Variants in NOS3 observed in about 807,000 individuals in gnomAD.
The protein encoded by NOS3 is nitric oxide synthase 3.
NOS3 carries 98 observed loss-of-function variants against 144.9 expected under a neutral mutation model. The observed-to-expected ratio is 0.68, with a 90% CI of 0.57 to 0.80. NOS3 has a LOEUF of 0.80. NOS3 is among the 30% of genes least tolerant of loss of function. NOS3 has a pLI of 0.00. For synonymous variants in NOS3, 714 were observed against 702.4 expected (o/e 1.02, Z -0.26); for missense variants, 1,465 against 1,656.4 (o/e 0.88, Z 2.01).
rs937885550 is a variant in NOS3, at chr7:150,998,780, C to T, written c.816+100C>T. On this transcript the variant is annotated intron_variant, in intron 7 of 26. Transcript: ENST00000297494. This position sits in a 1 kb window ranked among gnomAD's most constrained non-coding sequence, Gnocchi z 5.0. ...GATCCAGGCAGGAAGAGGGGAGCCT[C>T]GGTGAGATAAAGGATGAAAAACACC... 24 of 1,489,554 alleles carry T rather than the reference C, an allele frequency of 1.6e-5. 1 individual carries two copies. In the Admixed American group the frequency reaches 3.3e-4, roughly 21 times the overall value. 92.3% of individuals were successfully genotyped at this position (1,489,554 alleles called of 1,614,324 possible). A position where few individuals can be genotyped will look rare whatever the true frequency, so the allele number is the denominator to read the frequency against.
intron 5 of NOS3, among the ~76,000 whole-genome samples, chr7:150,997,408 G>A (rs888362839): frequency 5.9e-5 from 9 of 152,048 alleles, no homozygotes; most frequent in African/African-American, 1.2e-4. Context: ...GGCTTCTCCC[G>A]CCAGGCCAGT....
chr7:151,011,787 G>C (rs1182571280), intron 23 of NOS3: 6 of 427,404 alleles, frequency 1.4e-5, no homozygotes, highest in Non-Finnish European at 2.8e-5. Context: ...GCCTCCCAAA[G>C]TCTTGGGATT....
At chr7:151,000,626 G>A (rs1161085614) in intron 10 of NOS3, 27 bp downstream of exon 10, 2 of 1,517,792 alleles carry the variant, frequency 1.3e-6, no homozygotes, top group Non-Finnish European at 1.8e-6. Context: ...TGGCCAGGAA[G>A]GCAAAGGGTT....
intron 14 of NOS3, among the ~76,000 whole-genome samples, chr7:151,004,373 C>T (rs1399317867): frequency 1.3e-5 from 2 of 152,180 alleles, no homozygotes; most frequent in Non-Finnish European, 2.9e-5. Context: ...AACTGTCAAA[C>T]AGCAAAGCAA....
intron 23 of NOS3, chr7:151,011,770 C>T: frequency 2.5e-6 from 1 of 394,872 alleles, no homozygotes; most frequent in Non-Finnish European, 5.1e-6. Flanking sequence ...ACGATCCTCC[C>T]ACCTCCGCCT....
At position 151,008,953 on chromosome 7, in the gene NOS3, G is replaced by A. The variant is rs1464625237; in HGVS notation, c.2136G>A (p.Val712=). 2.5e-6 allele frequency: 4 copies of A among 1,610,448 alleles called. No individual in the cohort carries two copies. Among genetic ancestry groups the A allele is most frequent in the Non-Finnish European group, 3.4e-6 (4 of 1,179,070 alleles). ...AGGCCGCCTGTGAGACCTTCTGTGT[G>A]GGAGAGGATGCCAAGGCCGCCGCCC... The part of the protein sequence containing the change: ...AFQAACETFC[V]GEDAKAAARD... Residue 712 remains valine, a synonymous_variant, in exon 18 of 27, where the codon GTG becomes GTA. Coordinates refer to ENST00000297494, the MANE Select transcript of NOS3 (RefSeq NM_000603.5).
chr7:150,999,585 G>A (rs1795028570), intron 9 of NOS3, among the ~76,000 whole-genome samples: 1 of 151,628 alleles, frequency 6.6e-6, no homozygotes, highest in Non-Finnish European at 1.5e-5. Flanking sequence ...TGAGAGTGTG[G>A]GTTTCTGGGG....
At position 151,000,633 on chromosome 7, in the gene NOS3, G is replaced by C. The variant is rs533126639; in HGVS notation, c.1233+34G>C. On this transcript the variant is annotated intron_variant, in intron 10 of 26. Transcript: ENST00000297494. The stretch of plus-strand genomic sequence containing the variant: ...GCCCAGACTGGCCAGGAAGGCAAAG[G>C]GTTTGCATACGGGGGCAGCAGGGGC... The C allele has an allele frequency of 3.4e-6, 5 of 1,449,328 alleles. No individual in the cohort carries two copies. The East Asian group carries it at 6.8e-5, about 20-fold the overall frequency. 89.8% of individuals were successfully genotyped at this position (1,449,328 alleles called of 1,614,324 possible).
At chr7:151,012,232 T>G (rs928889723) in intron 23 of NOS3, 119 bp from the exon 24 acceptor site, 7 of 924,446 alleles carry the variant, frequency 7.6e-6, no homozygotes, top group East Asian at 5.5e-5. Flanking sequence ...TTTGTTTTTT[T>G]TTTAATTTTT....
In NOS3 at chr7:151,010,655, T is replaced by C; in HGVS notation, c.2744T>C (p.Leu915Pro). 1 of 1,607,986 alleles carries C rather than the reference T, an allele frequency of 6.2e-7. No individual in the cohort carries two copies. Among genetic ancestry groups the C allele is most frequent in the South Asian group, 1.1e-5 (1 of 89,826 alleles). The change falls in exon 22 of 27, where the codon CTG becomes CCG. Residue 915 changes from leucine (L) to proline (P), a missense_variant. By Grantham distance (98) the Leu-to-Pro change is moderately conservative (BLOSUM62 -3). Around this residue, in one of 5 missense-constraint regions of NOS3, gnomAD observed 745 missense variants for 853.9 expected, o/e 0.87. Coordinates refer to ENST00000297494, the MANE Select transcript of NOS3 (RefSeq NM_000603.5). ...WFRCPTLLEV[L>P]EQFPSVALPA... ...CGCTGCCCCACGCTGCTGGAGGTGC[T>C]GGAGCAGTTCCCGTCGGTGGCGCTG... is the stretch of plus-strand genomic sequence containing the variant.
intron 23 of NOS3, 41 bp downstream of exon 23, chr7:151,011,027 C>T: frequency 6.9e-7 from 1 of 1,445,362 alleles, no homozygotes; most frequent in Non-Finnish European, 9.7e-7. Flanking sequence ...TGCCCAGGGT[C>T]AGGGTGGCAG....
Position 150,999,218 on chromosome 7 carries a change from C to G in NOS3, c.985C>G (p.Arg329Gly), listed in dbSNP as rs745799975. The change falls in exon 9 of 27, where the codon CGC becomes GGC. Residue 329 changes from arginine to glycine, a missense_variant. This residue lies in a region of NOS3 where 745 missense variants were observed against 853.9 expected (regional missense o/e 0.87). Transcript: ENST00000297494. ...GGAGTGGTTTGCAGCCCTGGGCCTG[C>G]GCTGGTACGCCCTCCCGGCAGTGTC... ...TLEWFAALGLRWYALPAVSNM... is the reference protein window; with the variant it reads ...TLEWFAALGLGWYALPAVSNM... The G allele has an allele frequency of 6.2e-7, 1 of 1,610,884 alleles. No individual in the cohort carries two copies. The highest frequency in any genetic ancestry group is 8.5e-7 in the Non-Finnish European group (1 of 1,179,258).
At position 150,993,701 on chromosome 7, in the gene NOS3, G is replaced by T; in HGVS notation, c.-51-52G>T. On this transcript the variant is annotated intron_variant, in intron 1 of 26. Transcript: ENST00000297494. This position sits in a 1 kb window ranked among gnomAD's most constrained non-coding sequence, Gnocchi z 4.0. ...TAGGGGCGGGGCGAGGGCCAGCACT[G>T]GAGAGCCCCCTCCCACTGCCCCCTC... The T allele has an allele frequency of 8.2e-7, 1 of 1,221,676 alleles. No homozygotes were observed. The highest frequency in any genetic ancestry group is 1.1e-6 in the Non-Finnish European group (1 of 882,394). 75.7% of individuals were successfully genotyped at this position (1,221,676 alleles called of 1,614,324 possible).
At position 150,993,617 on chromosome 7, in the gene NOS3, T is replaced by G; in HGVS notation, c.-51-136T>G. 1 of 582,846 alleles carries G rather than the reference T, an allele frequency of 1.7e-6. No homozygotes were observed. Among genetic ancestry groups the G allele is most frequent in the Non-Finnish European group, 2.9e-6 (1 of 341,360 alleles). 36.1% of individuals were successfully genotyped at this position (582,846 alleles called of 1,614,324 possible). On this transcript the variant is annotated intron_variant, in intron 1 of 26. Transcript: ENST00000297494. This position sits in a 1 kb window ranked among gnomAD's most constrained non-coding sequence, Gnocchi z 4.0. Reference sequence around the variant, plus strand: ...CCCCCACCCTTCAGGCCAGCGGGCGTGGAGCTGAGGCTTTAGAGCCTCCCA... The same window carrying G: ...CCCCCACCCTTCAGGCCAGCGGGCGGGGAGCTGAGGCTTTAGAGCCTCCCA...
chr7:151,006,731 C>A (rs1015268396), intron 15 of NOS3, among the ~76,000 whole-genome samples, 158 bp from the exon 16 acceptor site: 1 of 152,334 alleles, frequency 6.6e-6, no homozygotes, highest in Non-Finnish European at 1.5e-5. Context: ...GGGCCCCAGG[C>A]TCGGAACCCC....
chr7:151,012,873 A>C, intron 24 of NOS3: 1 of 346,120 alleles, frequency 2.9e-6, no homozygotes, highest in South Asian at 4.6e-5. Context: ...TCAAAAGAAG[A>C]GGGCTGTGAC....
rs1795214520 is a variant in NOS3 at position 151,006,939 on chromosome 7, C to T, written c.1871C>T (p.Ser624Phe). ...NSISCSDPLV[S>F]SWRRKRKESS... ...ATCTCCTGCTCAGACCCACTGGTGT[C>T]CTCTTGGCGGCGGAAGAGGAAGGAG... The change falls in exon 16 of 27, where the codon TCC becomes TTC. Residue 624 changes from serine (S) to phenylalanine (F), a missense_variant. Physicochemically the swap from Ser to Phe is radical, Grantham distance 155 (BLOSUM62 -2). Coordinates refer to ENST00000297494, the MANE Select transcript of NOS3 (RefSeq NM_000603.5). The T allele has an allele frequency of 6.2e-7, 1 of 1,614,136 alleles. No homozygotes were observed. The highest frequency in any genetic ancestry group is 8.5e-7 in the Non-Finnish European group (1 of 1,180,024).
In NOS3 at chr7:151,006,604, C is replaced by T. The variant is rs3729625; in HGVS notation, c.1820+110C>T. 5.1e-3 allele frequency: 4,862 copies of T among 958,320 alleles called. 166 individuals are homozygous for T. The East Asian group carries it at 0.08, about 16-fold the overall frequency. The allele number at this position is 958,320 out of a possible 1,614,324, so 59.4% of individuals were successfully genotyped here. ...TCTGTGCCTCAAGTCGTTTTCCCAC[C>T]AAAAGCCAGGGCTCCAGGATGCCCT... On this transcript the variant is annotated intron_variant, in intron 15 of 26. Transcript: ENST00000297494.
chr7:151,004,797 G>A (rs954001076), intron 14 of NOS3, among the ~76,000 whole-genome samples: 1 of 152,220 alleles, frequency 6.6e-6, no homozygotes, highest in African/African-American at 2.4e-5. Flanking sequence ...GGGTGGCAGT[G>A]ACAGGAAGAA....
Sources: gnomAD v4.1 joint callset for allele counts (sites outside exome capture counted in the v4.1 genomes callset) on GRCh38, gnomAD v4.1.1 for gene constraint, gnomAD v4.1.1 regional missense constraint, Gnocchi (gnomAD v3.1) non-coding constraint, MANE v1.5 for transcripts, NCBI Gene and HGNC (gene_info 2026-07-23, HGNC 2026-07-21) for gene names.